The following TAF4B variants were observed in gnomAD, a reference collection of about 807,000 sequenced individuals.
The protein encoded by TAF4B is transcription initiation factor TFIID subunit 4B.
Under a neutral mutation model 86.4 loss-of-function variants are expected in TAF4B, and 38 were observed. The observed-to-expected ratio is 0.44, with a 90% CI of 0.34 to 0.58. The LOEUF (loss-of-function observed/expected upper bound fraction) is 0.58. Among genes scored for constraint, TAF4B ranks in the 20% least tolerant of loss-of-function variants. The pLI is 0.02. For synonymous variants in TAF4B, 388 were observed against 391.2 expected (o/e 0.99, Z 0.10); for missense variants, 988 against 1,027.6 (o/e 0.96, Z 0.53).
chr18:26,358,900 T>TG (rs1407176264), intron 14 of TAF4B, among the ~76,000 whole-genome samples: 1 of 152,172 alleles, frequency 6.6e-6, no homozygotes, highest in East Asian at 1.9e-4. Flanking sequence ...ATCCTGAACA[T>TG]TGGTAGTTTC....
chr18:26,237,734 C>T (rs9956212), intron 1 of TAF4B, among the ~76,000 whole-genome samples: 12,042 of 152,178 alleles, frequency 0.079, 1,469 homozygotes, highest in African/African-American at 0.26. Context: ...AAAGGTCAAA[C>T]TGCAGGATAG....
chr18:26,386,792 C>T (rs983064739), intron 14 of TAF4B, among the ~76,000 whole-genome samples: 1 of 152,064 alleles, frequency 6.6e-6, no homozygotes, highest in African/African-American at 2.4e-5. Flanking sequence ...TTAATGTACT[C>T]ACTCGGATTG....
chr18:26,291,800 G>T (rs1243864145), intron 7 of TAF4B, among the ~76,000 whole-genome samples: 1 of 151,814 alleles, frequency 6.6e-6, no homozygotes, highest in East Asian at 1.9e-4. Context: ...TGGATACAAC[G>T]ATATATCTGA....
At chr18:26,320,268 A>G (rs2056951031) in intron 10 of TAF4B, among the ~76,000 whole-genome samples, 1 of 152,224 alleles carries the variant, frequency 6.6e-6, no homozygotes, top group Non-Finnish European at 1.5e-5. Flanking sequence ...AATTGCCTGT[A>G]TCTTTAGATT....
intron 13 of TAF4B, among the ~76,000 whole-genome samples, chr18:26,356,069 C>T (rs2057286348): frequency 6.6e-6 from 1 of 152,102 alleles, no homozygotes; most frequent in Non-Finnish European, 1.5e-5. Context: ...GACTGGGTAG[C>T]TTATACACAA....
chr18:26,256,389 A>G (rs2144512995), intron 1 of TAF4B: 1 of 1,267,932 alleles, frequency 7.9e-7, no homozygotes. Context: ...TTCCAAAAGC[A>G]GCCGTTCCAC....
intron 14 of TAF4B, among the ~76,000 whole-genome samples, chr18:26,368,578 T>C (rs973874748): frequency 1.3e-5 from 2 of 152,218 alleles, no homozygotes; most frequent in African/African-American, 4.8e-5. Context: ...GGGTTCCTTA[T>C]TTGTTTATTA....
At chr18:26,335,550 A>G (rs956626659) in intron 13 of TAF4B, among the ~76,000 whole-genome samples, 6 of 152,218 alleles carry the variant, frequency 3.9e-5, no homozygotes, top group East Asian at 1.9e-4. Flanking sequence ...GGACTGTACA[A>G]TAGGCTACAT....
At chr18:26,341,841 T>A (rs926328635) in intron 13 of TAF4B, among the ~76,000 whole-genome samples, 3 of 152,154 alleles carry the variant, frequency 2.0e-5, no homozygotes, top group Non-Finnish European at 4.4e-5. Context: ...TTTTAAAAAT[T>A]TGCAACTTGC....
intron 14 of TAF4B, among the ~76,000 whole-genome samples, chr18:26,369,222 A>G (rs1267947073): frequency 1.3e-5 from 2 of 152,014 alleles, no homozygotes; most frequent in Non-Finnish European, 2.9e-5. Flanking sequence ...GAAGGAAACT[A>G]AAAAAAAGGG....
At chr18:26,238,464 C>A (rs995241456) in intron 1 of TAF4B, among the ~76,000 whole-genome samples, 3 of 150,790 alleles carry the variant, frequency 2.0e-5, no homozygotes, top group African/African-American at 7.4e-5. Flanking sequence ...CAGATAGTCC[C>A]CACTCTGCAG....
intron 1 of TAF4B, among the ~76,000 whole-genome samples, chr18:26,252,879 A>G (rs1179207508): frequency 2.0e-5 from 3 of 150,956 alleles, no homozygotes; most frequent in African/African-American, 4.9e-5. Flanking sequence ...ACTGTGTGTA[A>G]TTTATAAATT....
chr18:26,285,222 G>GTTTTTGTTTTTGTTTTTGTTTTTTTTTTT lies in TAF4B; in HGVS notation c.973-655_973-654insGTTTTTGTTTTTGTTTTTTTTTTTTTTTT. ...ATTTCTTCCTTTCCTTTTTTTTTTT[G>GTTTTTGTTTTTGTTTTTGTTTTTTTTTTT]TTTTTTTTTTTTTTGGAGATGGGGT... is the stretch of plus-strand genomic sequence containing the variant. On this transcript the variant is annotated intron_variant, in intron 6 of 14. Transcript: ENST00000269142. 2.9e-3 allele frequency among the ~76,000 whole-genome samples: 131 copies of GTTTTTGTTTTTGTTTTTGTTTTTTTTTTT among 45,692 alleles called. 6 individuals are homozygous for GTTTTTGTTTTTGTTTTTGTTTTTTTTTTT. The highest frequency in any genetic ancestry group is 5.1e-3 in the Non-Finnish European group (113 of 22,272). The allele number at this position is 45,692 out of a possible 152,430, so 30.0% of individuals were successfully genotyped here.
chr18:26,327,200 T>TTA, intron 12 of TAF4B, 60 bp downstream of exon 12: 1 of 1,556,606 alleles, frequency 6.4e-7, no homozygotes, highest in Non-Finnish European at 8.7e-7. Flanking sequence ...GAGGTGGCTT[T>TTA]ATCGTTGGTT....
At chr18:26,231,011 C>T (rs1422625415) in intron 1 of TAF4B, among the ~76,000 whole-genome samples, 1 of 139,432 alleles carries the variant, frequency 7.2e-6, no homozygotes, top group Non-Finnish European at 1.5e-5. Context: ...AAGTAATTGA[C>T]AAACTTGTGG....
rs80225065 is a variant in TAF4B at position 26,301,328 on chromosome 18, C to A, written c.1832+7797C>A. On this transcript the variant is annotated intron_variant, in intron 9 of 14. Transcript: ENST00000269142. ...TTTTGAGACAGTCTTGCTCTGTTGC[C>A]CAGGCTGAAGTACAGTGGCACAATC... 5.3e-5 allele frequency among the ~76,000 whole-genome samples: 8 copies of A among 151,546 alleles called. No individual in the cohort carries two copies. In the East Asian group the frequency reaches 1.5e-3, roughly 29 times the overall value.
intron 6 of TAF4B, among the ~76,000 whole-genome samples, chr18:26,284,847 C>A (rs1043758731): frequency 2.0e-5 from 3 of 152,092 alleles, no homozygotes; most frequent in African/African-American, 7.2e-5. Context: ...CCAGCCTGGG[C>A]AACAGAGTGA....
intron 3 of TAF4B, among the ~76,000 whole-genome samples, chr18:26,270,863 T>C (rs59117122): frequency 0.081 from 12,392 of 152,292 alleles, 1,575 homozygotes; most frequent in African/African-American, 0.27. Flanking sequence ...TTAGTACATA[T>C]CTGTGACTTT....
intron 13 of TAF4B, among the ~76,000 whole-genome samples, 175 bp from the exon 14 acceptor site, chr18:26,357,515 G>A (rs924849148): frequency 3.9e-5 from 6 of 152,160 alleles, no homozygotes; most frequent in African/African-American, 1.4e-4. Context: ...GAACTAAAGA[G>A]TTTGTTGGTG....
Sources: allele counts gnomAD v4.1 joint callset (sites outside exome capture counted in the v4.1 genomes callset), GRCh38; gene constraint gnomAD v4.1.1; transcripts MANE v1.5; gene names NCBI Gene and HGNC (gene_info 2026-07-23, HGNC 2026-07-21).